Variants in SYNE1 observed in about 807,000 individuals in gnomAD.
The protein encoded by SYNE1 is nesprin-1.
A neutral mutation model predicts 1,111.0 loss-of-function variants in SYNE1; 616 were observed. The ratio of observed to expected loss-of-function variants is 0.55; its 90% CI spans 0.52 to 0.59. The LOEUF (loss-of-function observed/expected upper bound fraction) is 0.59, where lower values mean the gene tolerates loss of function less well. Ranked by LOEUF, SYNE1 falls within the 20% of genes least tolerant of loss-of-function variation. The pLI, the probability that SYNE1 is intolerant of heterozygous loss-of-function variation, is 0.00. For missense variants in SYNE1, 10,006 were observed against 10,417.0 expected, an observed-to-expected ratio of 0.96 and a Z score of 1.72; for synonymous variants, 3,855 against 3,825.8, an observed-to-expected ratio of 1.01 and a Z score of -0.28.
At chr6:152,192,291 G>GT (rs1446998321) in intron 127 of SYNE1, among the ~76,000 whole-genome samples, 2 of 106,084 alleles carry the variant, frequency 1.9e-5, no homozygotes, top group African/African-American at 3.8e-5. Flanking sequence ...TAACTCCAGT[G>GT]TTTTTTTGTT....
chr6:152,531,892 T>C (rs528694639), intron 4 of SYNE1, among the ~76,000 whole-genome samples: 1 of 152,330 alleles, frequency 6.6e-6, no homozygotes, highest in African/African-American at 2.4e-5. Context: ...TTTGCATCCA[T>C]TCATCCATCA....
rs751555522 is a variant in SYNE1, at chr6:152,330,912, T to C, written c.13773A>G (p.Leu4591=). 58 of 1,613,996 alleles carry C rather than the reference T, an allele frequency of 3.6e-5. No individual in the cohort carries two copies. The highest frequency in any genetic ancestry group is 4.2e-6 in the Non-Finnish European group (5 of 1,179,956). ...TATGAAGCTCAGAACTCTCATTCAT[T>C]AGGTTGATTTCAGGAAATGTAACAA... ...ADIVTFPEIN[L]MNESSELHTQ... The change falls in exon 78 of 146, where the codon CTA becomes CTG. Residue 4591 remains leucine, a synonymous_variant. Transcript: ENST00000367255.
chr6:152,166,381 T>C (rs2063660959), intron 130 of SYNE1, among the ~76,000 whole-genome samples: 1 of 152,230 alleles, frequency 6.6e-6, no homozygotes, highest in Non-Finnish European at 1.5e-5. Context: ...TTTAAAATTT[T>C]TATTTGATAT....
At chr6:152,556,751 A>G (rs112109507) in intron 3 of SYNE1, among the ~76,000 whole-genome samples, 2,842 of 152,274 alleles carry the variant, frequency 0.019, 95 homozygotes, top group African/African-American at 0.065. Context: ...CAGCATGCCT[A>G]TCCATGAACC....
At chr6:152,252,823 C>T (rs567050296) in intron 104 of SYNE1, among the ~76,000 whole-genome samples, 3 of 152,262 alleles carry the variant, frequency 2.0e-5, no homozygotes, top group East Asian at 1.9e-4. Flanking sequence ...AAATAGAGAA[C>T]GTGATTTAAA....
At chr6:152,382,171 T>A (rs1326239936) in intron 55 of SYNE1, among the ~76,000 whole-genome samples, 1 of 152,208 alleles carries the variant, frequency 6.6e-6, no homozygotes, top group Non-Finnish European at 1.5e-5. Context: ...AAAATTTTTC[T>A]TGGTGAAATA....
chr6:152,412,899 T>C (rs1247293882), intron 42 of SYNE1, among the ~76,000 whole-genome samples: 1 of 151,396 alleles, frequency 6.6e-6, no homozygotes, highest in Non-Finnish European at 1.5e-5. Context: ...TCTTCCAGCC[T>C]GGAATGCTGT....
intron 6 of SYNE1, among the ~76,000 whole-genome samples, chr6:152,513,787 AAAAC>A (rs1294462520): frequency 1.3e-5 from 2 of 152,226 alleles, no homozygotes; most frequent in Non-Finnish European, 2.9e-5. Flanking sequence ...TTACAAGAAA[AAAAC>A]AAACAACTCC....
chr6:152,623,244 T>C (rs1231048143), intron 3 of SYNE1, among the ~76,000 whole-genome samples: 2 of 151,878 alleles, frequency 1.3e-5, no homozygotes, highest in Non-Finnish European at 2.9e-5. Flanking sequence ...AAACAAGCAA[T>C]GGGGAAAGGC....
intron 25 of SYNE1, 40 bp from the exon 26 acceptor site, chr6:152,451,245 T>G (rs1426076057): frequency 6.2e-7 from 1 of 1,605,532 alleles, no homozygotes; most frequent in Non-Finnish European, 8.5e-7. Context: ...AGGATGAAGT[T>G]CCTGATTATG....
rs2096610839 is a variant in SYNE1 at position 152,345,311 on chromosome 6, T to G, written c.12079-1084A>C. ...CAGTGTGCAAGAAATCTCTGTTGAATGAGTGAACGAATGAACTCACCAGAA... is the reference window on the plus strand; with the variant it reads ...CAGTGTGCAAGAAATCTCTGTTGAAGGAGTGAACGAATGAACTCACCAGAA... On this transcript the variant is annotated intron_variant, in intron 73 of 145. Coordinates refer to ENST00000367255, the MANE Select transcript of SYNE1 (RefSeq NM_182961.4). 2.6e-5 allele frequency among the ~76,000 whole-genome samples: 4 copies of G among 152,366 alleles called. No homozygotes were observed. The South Asian group carries it at 8.3e-4, about 32-fold the overall frequency.
Position 152,447,469 on chromosome 6 carries a change from G to A in SYNE1, c.3658C>T (p.Leu1220=), listed in dbSNP as rs2098602776. 6.2e-7 allele frequency: 1 copy of A among 1,614,202 alleles called. No individual in the cohort carries two copies. Among genetic ancestry groups the A allele is most frequent in the Non-Finnish European group, 8.5e-7 (1 of 1,180,030 alleles). Residue 1220 remains leucine (L), a synonymous_variant, in exon 29 of 146, where the codon CTG becomes TTG. Coordinates refer to ENST00000367255, the MANE Select transcript of SYNE1 (RefSeq NM_182961.4). The part of the protein sequence containing the change: ...LSSSFKALVT[L]LSEVEKMLSN... ...AGTAAATGCTGTACCTCTGACAGCA[G>A]CGTCACAAGAGCCTTGAAAGAGCTG... is the stretch of plus-strand genomic sequence containing the variant.
At position 152,139,987 on chromosome 6, in the gene SYNE1, T is replaced by A; in HGVS notation, c.25421A>T (p.Asp8474Val). The stretch of plus-strand genomic sequence containing the variant: ...GATCTGGAGCTCGATGGTCTGGATG[T>A]CAGTGCTGAGTTCCAGACGCTGGAG... ...EQLQRLELST[D>V]IQTIELQIKK... Residue 8474 changes from aspartate to valine, a missense_variant, in exon 140 of 146, where the codon GAC becomes GTC. Physicochemically the swap from Asp to Val is radical, Grantham distance 152. Coordinates refer to ENST00000367255, the MANE Select transcript of SYNE1 (RefSeq NM_182961.4). The A allele has an allele frequency of 6.2e-7, 1 of 1,614,056 alleles. No homozygotes were observed. Among genetic ancestry groups the A allele is most frequent in the African/African-American group, 1.3e-5 (1 of 75,046 alleles).
chr6:152,428,810 G>C (rs2098400202), intron 36 of SYNE1, among the ~76,000 whole-genome samples: 1 of 152,022 alleles, frequency 6.6e-6, no homozygotes, highest in Non-Finnish European at 1.5e-5. Flanking sequence ...GCAAGACATA[G>C]TGAAAATGAG....
chr6:152,557,782 G>T (rs2128196866), intron 3 of SYNE1, among the ~76,000 whole-genome samples: 1 of 152,244 alleles, frequency 6.6e-6, no homozygotes, highest in South Asian at 2.1e-4. Context: ...GTGGATGTTA[G>T]TCCCTACTAG....
At chr6:152,607,133 A>G (rs6910306) in intron 3 of SYNE1, among the ~76,000 whole-genome samples, 14,908 of 149,576 alleles carry the variant, frequency 0.1, 838 homozygotes, top group African/African-American at 0.16. Flanking sequence ...TACAGGCACC[A>G]GCCACCACGC....
At chr6:152,536,468 C>CA (rs1369958128) in intron 4 of SYNE1, among the ~76,000 whole-genome samples, 2 of 106,376 alleles carry the variant, frequency 1.9e-5, no homozygotes, top group African/African-American at 6.1e-5. Flanking sequence ...TATATATATA[C>CA]AATATATATA....
Position 152,318,925 on chromosome 6 carries a change from T to C in SYNE1, c.16327A>G (p.Thr5443Ala), listed in dbSNP as rs754256537. The change falls in exon 85 of 146, where the codon ACT becomes GCT. Residue 5443 changes from threonine to alanine, a missense_variant. Thr to Ala is a moderately conservative substitution (Grantham distance 58). Coordinates refer to ENST00000367255, the MANE Select transcript of SYNE1 (RefSeq NM_182961.4). ...TTCGCTTTCAGCTTAGTTAGAATAG[T>C]TGTGAGGTCTTTAGCTAACTTCTGA... ...QIQKLAKDLT[T>A]ILTKLKAKTD... 2.5e-6 allele frequency: 4 copies of C among 1,614,112 alleles called. No individual in the cohort carries two copies. Among genetic ancestry groups the C allele is most frequent in the South Asian group, 1.1e-5 (1 of 91,086 alleles).
At chr6:152,379,532 A>G (rs750484634) in intron 56 of SYNE1, among the ~76,000 whole-genome samples, 23 of 152,224 alleles carry the variant, frequency 1.5e-4, no homozygotes, top group Admixed American at 2.6e-4. Context: ...TGCCCTAAGA[A>G]CCCTAGCATA....
Sources: gnomAD v4.1 joint callset for allele counts (sites outside exome capture counted in the v4.1 genomes callset) on GRCh38, gnomAD v4.1.1 for gene constraint, MANE v1.5 for transcripts, NCBI Gene and HGNC (gene_info 2026-07-23, HGNC 2026-07-21) for gene names.